The following USP32 variants were observed in gnomAD, a reference collection of about 807,000 sequenced individuals.
USP32 encodes ubiquitin specific peptidase 32, also known as ubiquitin carboxyl-terminal hydrolase 32.
A neutral mutation model predicts 204.8 loss-of-function variants in USP32; 59 were observed. The observed-to-expected ratio is 0.29, with a 90% confidence interval of 0.23 to 0.36. The LOEUF (loss-of-function observed/expected upper bound fraction) is 0.36, where lower values mean the gene tolerates loss of function less well. Among genes scored for constraint, USP32 ranks in the 10% least tolerant of loss-of-function variants. USP32 has a pLI of 1.00. For synonymous variants in USP32, 517 were observed against 678.4 expected, an observed-to-expected ratio of 0.76 and a Z score of 3.70; for missense variants, 1,160 against 1,946.4, an observed-to-expected ratio of 0.60 and a Z score of 7.60.
chr17:60,384,877 G>A (rs2089703261), intron 1 of USP32, among the ~76,000 whole-genome samples: 1 of 152,050 alleles, frequency 6.6e-6, no homozygotes, highest in Non-Finnish European at 1.5e-5. Context: ...GGAGGTGGAG[G>A]CGGGTGGATC....
At chr17:60,302,145 A>G (rs1467116295) in intron 2 of USP32, among the ~76,000 whole-genome samples, 5 of 145,490 alleles carry the variant, frequency 3.4e-5, no homozygotes, top group African/African-American at 1.3e-4. Context: ...TTATTTATTT[A>G]TTTATTTGAG....
chr17:60,195,388 A>G (rs1379382553), intron 27 of USP32, among the ~76,000 whole-genome samples: 1 of 152,150 alleles, frequency 6.6e-6, no homozygotes, highest in East Asian at 1.9e-4. Flanking sequence ...CCCAGGCTGG[A>G]GTACAGTGGT....
chr17:60,183,525 A>G, intron 30 of USP32, 72 bp from the exon 31 acceptor site: 1 of 1,485,536 alleles, frequency 6.7e-7, no homozygotes, highest in Non-Finnish European at 9.0e-7. Context: ...GGAAAAAACA[A>G]GTCAAATACA....
chr17:60,319,615 C>T (rs1313265558), intron 2 of USP32, among the ~76,000 whole-genome samples: 2 of 151,624 alleles, frequency 1.3e-5, no homozygotes, highest in African/African-American at 4.8e-5. Flanking sequence ...CCATCTCTAC[C>T]AAAAAAATAT....
chr17:60,417,935 G>A (rs866773527), intron 1 of USP32, among the ~76,000 whole-genome samples: 11 of 147,254 alleles, frequency 7.5e-5, no homozygotes, highest in South Asian at 2.2e-4. Flanking sequence ...GGCTACAGGC[G>A]TCCACCACCA....
chr17:60,393,125 A>C (rs1030256483), upstream of USP32, among the ~76,000 whole-genome samples: 2 of 152,122 alleles, frequency 1.3e-5, no homozygotes, highest in African/African-American at 4.8e-5. Context: ...TAACTCCCCA[A>C]TCCCCCTCCC....
chr17:60,190,636 A>G lies in USP32; in HGVS notation c.3569T>C (p.Ile1190Thr), dbSNP rs201613554. The change falls in exon 29 of 34, where the codon ATT becomes ACT. Residue 1190 changes from isoleucine to threonine, a missense_variant. By Grantham distance (89) the Ile-to-Thr change is moderately conservative. Around this residue, in one of 8 missense-constraint regions of USP32, gnomAD observed 160 missense variants for 322.5 expected, o/e 0.50. Transcript: ENST00000300896. The part of the protein sequence containing the change: ...KIDCGEDRAF[I>T]GNAYIAVDWD... ...ATCCACAGCGATATAGGCATTTCCA[A>G]TGAAAGCTCTGTCTTCCCCACAATC... 8.1e-6 allele frequency: 13 copies of G among 1,605,658 alleles called. No individual in the cohort carries two copies. The highest frequency in any genetic ancestry group is 6.9e-5 in the Admixed American group (4 of 57,938).
chr17:60,419,381 A>G (rs1422083448), intron 1 of USP32, among the ~76,000 whole-genome samples: 1 of 152,104 alleles, frequency 6.6e-6, no homozygotes, highest in Non-Finnish European at 1.5e-5. Flanking sequence ...AGGGTGGGAG[A>G]AGTGAGAGGA....
chr17:60,201,169 T>C (rs920298976), intron 26 of USP32, among the ~76,000 whole-genome samples: 23 of 152,184 alleles, frequency 1.5e-4, no homozygotes, highest in Non-Finnish European at 3.1e-4. Context: ...AATTCTTTTG[T>C]GTTTGGCTTC....
At chr17:60,322,243 T>C (rs938685142) in intron 2 of USP32, among the ~76,000 whole-genome samples, 2 of 152,072 alleles carry the variant, frequency 1.3e-5, no homozygotes, top group African/African-American at 4.8e-5. Context: ...ACTCCTAGGC[T>C]CAAGGGATCC....
intron 5 of USP32, among the ~76,000 whole-genome samples, chr17:60,286,396 C>T (rs1325074061): frequency 1.3e-5 from 2 of 152,158 alleles, no homozygotes; most frequent in Non-Finnish European, 2.9e-5. Flanking sequence ...GACACAGAAA[C>T]ACACAGAGAA....
chr17:60,295,916 G>T (rs1253169016), intron 3 of USP32, among the ~76,000 whole-genome samples: 1 of 152,034 alleles, frequency 6.6e-6, no homozygotes, highest in Non-Finnish European at 1.5e-5. Flanking sequence ...TGCAGATAAG[G>T]GGGGAACTAA....
intron 1 of USP32, among the ~76,000 whole-genome samples, chr17:60,378,865 A>G (rs1396089636): frequency 1.3e-5 from 2 of 152,134 alleles, no homozygotes; most frequent in East Asian, 3.8e-4. Context: ...TTGTGAATGT[A>G]CTTCATGCCA....
At chr17:60,190,433 C>T (rs560575216) in intron 29 of USP32, 130 bp downstream of exon 29, 3 of 1,271,012 alleles carry the variant, frequency 2.4e-6, no homozygotes, top group Admixed American at 3.2e-5. Context: ...ATATTAGGTG[C>T]CATAGAGGAT....
chr17:60,247,499 T>A (rs1413528931), intron 11 of USP32, among the ~76,000 whole-genome samples: 1 of 152,136 alleles, frequency 6.6e-6, no homozygotes, highest in African/African-American at 2.4e-5. Flanking sequence ...CATTTTGATT[T>A]GATTTTAGTG....
At chr17:60,352,993 G>A (rs573883357) in intron 1 of USP32, among the ~76,000 whole-genome samples, 1 of 152,324 alleles carries the variant, frequency 6.6e-6, no homozygotes, top group East Asian at 1.9e-4. Flanking sequence ...GATTAGTCTA[G>A]GGGAGAATTT....
intron 30 of USP32, among the ~76,000 whole-genome samples, chr17:60,184,543 T>G (rs1263430007): frequency 6.6e-6 from 1 of 152,114 alleles, no homozygotes; most frequent in African/African-American, 2.4e-5. Context: ...GCACGGTGGC[T>G]CACGCCTGTA....
intron 2 of USP32, among the ~76,000 whole-genome samples, chr17:60,313,803 G>A (rs1019397946): frequency 1.3e-5 from 2 of 152,086 alleles, no homozygotes; most frequent in African/African-American, 2.4e-5. Flanking sequence ...GTGATTAAGT[G>A]TGTGCTAGAA....
At chr17:60,271,102 G>T (rs181672389) in intron 6 of USP32, among the ~76,000 whole-genome samples, 3 of 152,292 alleles carry the variant, frequency 2.0e-5, no homozygotes, top group Admixed American at 2.0e-4. Context: ...CACTGCCTTG[G>T]TCAAACACAT....
Sources: allele counts gnomAD v4.1 joint callset (sites outside exome capture counted in the v4.1 genomes callset), GRCh38; gene constraint gnomAD v4.1.1; regional missense constraint gnomAD v4.1.1; transcripts MANE v1.5; gene names NCBI Gene and HGNC (gene_info 2026-07-23, HGNC 2026-07-21).